TMUB2: variants seen among roughly 807,000 people sequenced by gnomAD.
TMUB2 encodes transmembrane and ubiquitin like domain containing 2.
A neutral mutation model predicts 20.2 loss-of-function variants in TMUB2; 19 were observed. The observed-to-expected ratio is 0.94, with a 90% CI of 0.66 to 1.38. The LOEUF (loss-of-function observed/expected upper bound fraction) is 1.38. Ranked by LOEUF, TMUB2 falls within the 40% of genes most tolerant of loss-of-function variation. The pLI is 0.00. For missense variants in TMUB2, 426 were observed against 402.5 expected (o/e 1.06, Z -0.50); for synonymous variants, 186 against 166.0 (o/e 1.12, Z -0.92).
chr17:44,191,167 T>G lies in TMUB2; in HGVS notation c.*303T>G. ...CAGTGGGGAGCCTGGGCTCTGAGAT[T>G]CCCTCCCACCTGTGGTTCTGACTCT... On this transcript the variant is annotated 3_prime_UTR_variant, in exon 4 of 4. Transcript: ENST00000538716. 1 of 1,130,412 alleles carries G rather than the reference T, an allele frequency of 8.8e-7. No homozygotes were observed. The allele number at this position is 1,130,412 out of a possible 1,614,324, so 70.0% of individuals were successfully genotyped here. A position where few individuals can be genotyped will look rare whatever the true frequency, so the allele number is the denominator to read the frequency against.
At position 44,191,072 on chromosome 17, in the gene TMUB2, T is replaced by A; in HGVS notation, c.*208T>A. On this transcript the variant is annotated 3_prime_UTR_variant, in exon 4 of 4. Coordinates refer to ENST00000538716, the MANE Select transcript of TMUB2 (RefSeq NM_001076674.3). ...CCCTCCCGTGCGAGCACAACTCAGG[T>A]AGAAATGAGGATGTCATCTTCCTTC... 1 of 1,360,748 alleles carries A rather than the reference T, an allele frequency of 7.3e-7. No individual in the cohort carries two copies. Among genetic ancestry groups the A allele is most frequent in the Non-Finnish European group, 9.4e-7 (1 of 1,058,894 alleles). The allele number at this position is 1,360,748 out of a possible 1,614,324, so 84.3% of individuals were successfully genotyped here.
At position 44,191,747 on chromosome 17, in the gene TMUB2, A is replaced by G; in HGVS notation, c.*883A>G. The stretch of plus-strand genomic sequence containing the variant: ...TGGTCCTGCAGCCTCTTTCTGTGAC[A>G]GAGAATGGCTTTGCGCTGCCCCCAG... On this transcript the variant is annotated 3_prime_UTR_variant, in exon 4 of 4. Coordinates refer to ENST00000538716, the MANE Select transcript of TMUB2 (RefSeq NM_001076674.3). 4.1e-6 allele frequency: 4 copies of G among 985,586 alleles called. No homozygotes were observed. Among genetic ancestry groups the G allele is most frequent in the Non-Finnish European group, 4.8e-6 (4 of 829,862 alleles). 61.1% of individuals were successfully genotyped at this position (985,586 alleles called of 1,614,324 possible).
chr17:44,190,403 T>C (rs1268281514), intron 3 of TMUB2, 98 bp from the exon 4 acceptor site: 9 of 687,192 alleles, frequency 1.3e-5, no homozygotes, highest in South Asian at 5.0e-5. Context: ...AAATCCACCC[T>C]CCAGTTTTTC....
chr17:44,187,645 A>G (rs189330868), intron 1 of TMUB2, 31 bp from the exon 2 acceptor site: 653 of 716,722 alleles, frequency 9.1e-4, no homozygotes, highest in Non-Finnish European at 1.3e-3. Flanking sequence ...ATAAATAATT[A>G]CTACCGTTAT....
At chr17:44,187,618 G>A (rs1027802258) in intron 1 of TMUB2, 58 bp from the exon 2 acceptor site, 1 of 712,306 alleles carries the variant, frequency 1.4e-6, no homozygotes, top group African/African-American at 1.7e-5. Context: ...TACCATCAGG[G>A]GTTAGTTGTG....
At chr17:44,188,791 G>C (rs1199433541) in intron 2 of TMUB2, 1 of 548,768 alleles carries the variant, frequency 1.8e-6, no homozygotes, top group Admixed American at 3.9e-5. Context: ...GTTTGAGAGA[G>C]GAAGGTCACA....
intron 1 of TMUB2, 149 bp downstream of exon 1, chr17:44,187,258 C>G (rs2054573054): frequency 5.9e-6 from 1 of 170,774 alleles, no homozygotes; most frequent in Non-Finnish European, 1.3e-5. Context: ...TTAGCCGACC[C>G]TACTCCTCAC....
At position 44,191,129 on chromosome 17, in the gene TMUB2, T is replaced by A; in HGVS notation, c.*265T>A. Reference sequence around the variant, plus strand: ...AGGGTCCTCTGAAGGAGTTCAAAGCTGCTGGCCAAGCTCAGTGGGGAGCCT... The same window carrying A: ...AGGGTCCTCTGAAGGAGTTCAAAGCAGCTGGCCAAGCTCAGTGGGGAGCCT... On this transcript the variant is annotated 3_prime_UTR_variant, in exon 4 of 4. Transcript: ENST00000538716. 1 of 1,191,698 alleles carries A rather than the reference T, an allele frequency of 8.4e-7. No homozygotes were observed. Among genetic ancestry groups the A allele is most frequent in the Non-Finnish European group, 1.0e-6 (1 of 956,440 alleles). The allele number at this position is 1,191,698 out of a possible 1,614,324, so 73.8% of individuals were successfully genotyped here.
Position 44,191,435 on chromosome 17 carries a change from T to C in TMUB2, c.*571T>C, listed in dbSNP as rs2055563157. 1 of 985,988 alleles carries C rather than the reference T, an allele frequency of 1.0e-6. No homozygotes were observed. The highest frequency in any genetic ancestry group is 6.1e-5 in the Admixed American group (1 of 16,292). 61.1% of individuals were successfully genotyped at this position (985,988 alleles called of 1,614,324 possible). On this transcript the variant is annotated 3_prime_UTR_variant, in exon 4 of 4. Coordinates refer to ENST00000538716, the MANE Select transcript of TMUB2 (RefSeq NM_001076674.3). ...AGCAGGAATAGGGTGTCCTCCCTTCTTTCAAAGCACTTTGCTTGCATTTTA... is the reference window on the plus strand; with the variant it reads ...AGCAGGAATAGGGTGTCCTCCCTTCCTTCAAAGCACTTTGCTTGCATTTTA...
chr17:44,191,596 C>A lies in TMUB2; in HGVS notation c.*732C>A. On this transcript the variant is annotated 3_prime_UTR_variant, in exon 4 of 4. Transcript: ENST00000538716. Reference sequence around the variant, plus strand: ...CTCAGGCTGTAAGCAAGAGACAGCACTGGCCCTTGGCCAGCGTCCTACCCT... The same window carrying A: ...CTCAGGCTGTAAGCAAGAGACAGCAATGGCCCTTGGCCAGCGTCCTACCCT... 1 of 985,962 alleles carries A rather than the reference C, an allele frequency of 1.0e-6. No homozygotes were observed. Among genetic ancestry groups the A allele is most frequent in the South Asian group, 4.7e-5 (1 of 21,292 alleles). The allele number at this position is 985,962 out of a possible 1,614,324, so 61.1% of individuals were successfully genotyped here. A position where few individuals can be genotyped will look rare whatever the true frequency, so the allele number is the denominator to read the frequency against.
At chr17:44,188,898 T>G (rs1233067096) in intron 2 of TMUB2, 124 bp from the exon 3 acceptor site, 1 of 1,422,968 alleles carries the variant, frequency 7.0e-7, no homozygotes, top group African/African-American at 1.4e-5. Flanking sequence ...TGTGCCCCCT[T>G]CTACACAACA....
Position 44,190,687 on chromosome 17 carries a change from A to C in TMUB2, c.789A>C (p.Pro263=). The change falls in exon 4 of 4, where the codon CCA becomes CCC. Residue 263 remains proline, a synonymous_variant. Coordinates refer to ENST00000538716, the MANE Select transcript of TMUB2 (RefSeq NM_001076674.3). ...CCTTGGCCCCCTCGGCCACTGAGCC[A>C]CCCAGCCTTGGTGTCAATGTGGGCA... ...SASLAPSATE[P]PSLGVNVGSL... The C allele has an allele frequency of 6.2e-7, 1 of 1,614,106 alleles. No individual in the cohort carries two copies. The highest frequency in any genetic ancestry group is 8.5e-7 in the Non-Finnish European group (1 of 1,180,018).
intron 3 of TMUB2, 145 bp from the exon 4 acceptor site, chr17:44,190,349 CAAAAAAA>C (rs34097625): frequency 3.8e-4 from 121 of 321,476 alleles, no homozygotes; most frequent in Middle Eastern, 9.3e-4. Flanking sequence ...GACTCCGTCT[CAAAAAAA>C]AAAAAAAAAA....
At chr17:44,189,709 G>A (rs1379397657) in intron 3 of TMUB2, 121 bp downstream of exon 3, 1 of 941,902 alleles carries the variant, frequency 1.1e-6, no homozygotes, top group Non-Finnish European at 1.5e-6. Flanking sequence ...CCTACCAAGG[G>A]CAGGTAGATA....
Position 44,191,501 on chromosome 17 carries a change from A to G in TMUB2, c.*637A>G. 2.0e-6 allele frequency: 2 copies of G among 985,944 alleles called. No homozygotes were observed. The highest frequency in any genetic ancestry group is 2.4e-6 in the Non-Finnish European group (2 of 830,056). The allele number at this position is 985,944 out of a possible 1,614,324, so 61.1% of individuals were successfully genotyped here. ...AGTCCTTCATAGAGCTCAGTCAGGA[A>G]GGGGATGGGGCACCAAGCCAAGCCC... is the stretch of plus-strand genomic sequence containing the variant. On this transcript the variant is annotated 3_prime_UTR_variant, in exon 4 of 4. Coordinates refer to ENST00000538716, the MANE Select transcript of TMUB2 (RefSeq NM_001076674.3).
At position 44,191,550 on chromosome 17, in the gene TMUB2, A is replaced by G. The variant is rs2055583523; in HGVS notation, c.*686A>G. 1.0e-6 allele frequency: 1 copy of G among 986,112 alleles called. No individual in the cohort carries two copies. The highest frequency in any genetic ancestry group is 1.7e-5 in the African/African-American group (1 of 57,370). 61.1% of individuals were successfully genotyped at this position (986,112 alleles called of 1,614,324 possible). On this transcript the variant is annotated 3_prime_UTR_variant, in exon 4 of 4. Coordinates refer to ENST00000538716, the MANE Select transcript of TMUB2 (RefSeq NM_001076674.3). ...CCCCAGCATTGGGAGCGGCCAGGCC[A>G]CAGCTGCTGCTCCCGTAGTCCTCAG...
chr17:44,189,428 G>C lies in TMUB2; in HGVS notation c.442G>C (p.Ala148Pro). 1 of 1,614,124 alleles carries C rather than the reference G, an allele frequency of 6.2e-7. No homozygotes were observed. Among genetic ancestry groups the C allele is most frequent in the Non-Finnish European group, 8.5e-7 (1 of 1,180,004 alleles). ...CATCCAAGGCCTGCCCAAAAGACAA[G>C]CAGGTGCAGGCAGCAGCAGTCCAGA... is the stretch of plus-strand genomic sequence containing the variant. ...LDIQGLPKRQ[A>P]GAGSSSPEAP... is the part of the protein sequence containing the mutation. The change falls in exon 3 of 4, where the codon GCA becomes CCA. Residue 148 changes from alanine to proline, a missense_variant. By Grantham distance (27) the Ala-to-Pro change is conservative. Coordinates refer to ENST00000538716, the MANE Select transcript of TMUB2 (RefSeq NM_001076674.3).
chr17:44,187,006 C>G lies in TMUB2; in HGVS notation c.-137C>G, dbSNP rs1044182541. The G allele has an allele frequency of 6.6e-6, 1 of 152,576 alleles. No homozygotes were observed. The highest frequency in any genetic ancestry group is 2.4e-5 in the African/African-American group (1 of 41,470). 9.5% of individuals were successfully genotyped at this position (152,576 alleles called of 1,614,324 possible). ...CGGGAGAAGCCGGAAGAGACCGGAC[C>G]CTGAACAGAATCGCAGATTGCCAGC... On this transcript the variant is annotated 5_prime_UTR_variant, in exon 1 of 4. Coordinates refer to ENST00000538716, the MANE Select transcript of TMUB2 (RefSeq NM_001076674.3).
rs773074427 is a variant in TMUB2, at chr17:44,190,651, C to G, written c.753C>G (p.Gly251=). The G allele has an allele frequency of 3.7e-6, 6 of 1,614,132 alleles. No homozygotes were observed. Among genetic ancestry groups the G allele is most frequent in the Non-Finnish European group, 5.1e-6 (6 of 1,180,054 alleles). The change falls in exon 4 of 4, where the codon GGC becomes GGG. Residue 251 remains glycine, a synonymous_variant. Transcript: ENST00000538716. ...CACCCCCAGGGTCAGCTGTTCCAGGCCCCTCAGCCTCCTTGGCCCCCTCGG... is the reference window on the plus strand; with the variant it reads ...CACCCCCAGGGTCAGCTGTTCCAGGGCCCTCAGCCTCCTTGGCCCCCTCGG... ...HRSPPGSAVP[G]PSASLAPSAT...
Sources: gnomAD v4.1 joint callset for allele counts on GRCh38, gnomAD v4.1.1 for gene constraint, MANE v1.5 for transcripts, NCBI Gene and HGNC (gene_info 2026-07-23, HGNC 2026-07-21) for gene names.